Variants in NELL1 observed in about 807,000 individuals in gnomAD.
NELL1 encodes the protein protein kinase C-binding protein NELL1.
In NELL1, 76 loss-of-function variants were observed where a neutral mutation model predicts 107.4. The ratio of observed to expected loss-of-function variants is 0.71; its 90% CI spans 0.59 to 0.86. NELL1 has a LOEUF of 0.86. Among genes scored for constraint, NELL1 ranks in the 40% least tolerant of loss-of-function variants. NELL1 has a pLI of 0.00. For missense variants in NELL1, 1,024 were observed against 1,005.5 expected (o/e 1.02, Z -0.25); for synonymous variants, 353 against 341.2 (o/e 1.03, Z -0.38).
intron 15 of NELL1, among the ~76,000 whole-genome samples, chr11:21,438,034 T>C (rs1482666078): frequency 1.3e-5 from 2 of 152,206 alleles, no homozygotes; most frequent in Non-Finnish European, 2.9e-5. Context: ...AAAGTTCGAT[T>C]CCTTTCTCTT....
chr11:21,222,641 T>C (rs1430893822), intron 13 of NELL1, among the ~76,000 whole-genome samples: 2 of 152,176 alleles, frequency 1.3e-5, no homozygotes, highest in African/African-American at 4.8e-5. Flanking sequence ...TTGAAATCTT[T>C]CTATTATTTT....
chr11:20,788,729 T>A (rs1312872325), intron 3 of NELL1, among the ~76,000 whole-genome samples: 5 of 152,192 alleles, frequency 3.3e-5, no homozygotes, highest in African/African-American at 1.2e-4. Context: ...TTTTTGTGAT[T>A]CTGATGTCAT....
At chr11:21,295,247 C>T (rs1214720170) in intron 14 of NELL1, among the ~76,000 whole-genome samples, 2 of 151,988 alleles carry the variant, frequency 1.3e-5, no homozygotes, top group Non-Finnish European at 2.9e-5. Context: ...TAAAACCCAG[C>T]CCAGGGCACT....
At chr11:21,487,147 G>T (rs1347552558) in intron 15 of NELL1, among the ~76,000 whole-genome samples, 1 of 152,086 alleles carries the variant, frequency 6.6e-6, no homozygotes, top group Non-Finnish European at 1.5e-5. Context: ...CTCCATAAAG[G>T]TCTTCTCTGT....
intron 13 of NELL1, among the ~76,000 whole-genome samples, chr11:21,220,091 A>G (rs1857716223): frequency 6.6e-6 from 1 of 152,184 alleles, no homozygotes; most frequent in Non-Finnish European, 1.5e-5. Context: ...ACCTCCCACC[A>G]GGTTCTGCCT....
At chr11:20,697,760 G>A (rs187704588) in intron 2 of NELL1, among the ~76,000 whole-genome samples, 1 of 152,138 alleles carries the variant, frequency 6.6e-6, no homozygotes, top group African/African-American at 2.4e-5. Context: ...ATTTCTTACT[G>A]GATGACCTGG....
rs950677864 is a variant in NELL1 at position 21,521,147 on chromosome 11, T to C, written c.1646-13227T>C. 2.0e-5 allele frequency among the ~76,000 whole-genome samples: 3 copies of C among 152,380 alleles called. No homozygotes were observed. In the East Asian group the frequency reaches 5.8e-4, roughly 29 times the overall value. ...TGTAAGTATTACAGCTACACATTTGTTTCTAGGCACTGCTTTAACTGGTTC... is the reference window on the plus strand; with the variant it reads ...TGTAAGTATTACAGCTACACATTTGCTTCTAGGCACTGCTTTAACTGGTTC... On this transcript the variant is annotated intron_variant, in intron 15 of 19. Coordinates refer to ENST00000357134, the MANE Select transcript of NELL1 (RefSeq NM_006157.5).
chr11:20,885,917 A>G (rs1159200884), intron 5 of NELL1, among the ~76,000 whole-genome samples: 1 of 152,250 alleles, frequency 6.6e-6, no homozygotes, highest in African/African-American at 2.4e-5. Flanking sequence ...TTCTCAGATT[A>G]TATGTTAATT....
intron 16 of NELL1, among the ~76,000 whole-genome samples, chr11:21,550,678 C>G (rs1209796307): frequency 6.6e-6 from 1 of 152,054 alleles, no homozygotes; most frequent in African/African-American, 2.4e-5. Flanking sequence ...TCTGAGGGCT[C>G]TGTTCTGTTC....
chr11:21,000,939 C>A (rs1445018470), intron 12 of NELL1: 1 of 152,104 alleles, frequency 6.6e-6, no homozygotes, highest in Non-Finnish European at 1.5e-5. Flanking sequence ...CCAGGCCTGA[C>A]CCTGCTTAGC....
At chr11:21,026,614 A>C (rs550249847) in intron 12 of NELL1, among the ~76,000 whole-genome samples, 1 of 152,314 alleles carries the variant, frequency 6.6e-6, no homozygotes, top group African/African-American at 2.4e-5. Context: ...TGGTTGTCCC[A>C]GTCACTATAG....
chr11:21,304,671 C>G (rs970935343), intron 14 of NELL1, among the ~76,000 whole-genome samples: 3 of 151,616 alleles, frequency 2.0e-5, no homozygotes, highest in Admixed American at 6.6e-5. Flanking sequence ...CATTGTAAAT[C>G]TTCTGCACTC....
chr11:21,253,757 A>G (rs1224069187), intron 14 of NELL1, among the ~76,000 whole-genome samples: 1 of 152,146 alleles, frequency 6.6e-6, no homozygotes, highest in East Asian at 1.9e-4. Flanking sequence ...GATATATTAG[A>G]TGTCTAAAGG....
chr11:21,529,061 A>G (rs1302298505), intron 15 of NELL1, among the ~76,000 whole-genome samples: 2 of 152,174 alleles, frequency 1.3e-5, no homozygotes, highest in Non-Finnish European at 2.9e-5. Context: ...CCAAGCAGTA[A>G]TGGCTCAATA....
intron 15 of NELL1, among the ~76,000 whole-genome samples, chr11:21,449,839 C>T (rs2133856254): frequency 6.6e-6 from 1 of 152,174 alleles, no homozygotes; most frequent in East Asian, 1.9e-4. Context: ...TGCCTTTGCA[C>T]CCTTGTCAAA....
intron 14 of NELL1, among the ~76,000 whole-genome samples, chr11:21,326,863 G>C (rs1044195732): frequency 2.0e-5 from 3 of 151,396 alleles, no homozygotes; most frequent in South Asian, 2.1e-4. Flanking sequence ...TAATCTATTT[G>C]CATTTAATGT....
At chr11:21,194,592 T>G (rs144390494) in intron 13 of NELL1, among the ~76,000 whole-genome samples, 10 of 152,222 alleles carry the variant, frequency 6.6e-5, no homozygotes, top group African/African-American at 2.4e-4. Flanking sequence ...AAAGTGTGGC[T>G]CCTAGATCAG....
chr11:21,326,745 A>G (rs1335110792), intron 14 of NELL1, among the ~76,000 whole-genome samples: 1 of 152,058 alleles, frequency 6.6e-6, no homozygotes, highest in African/African-American at 2.4e-5. Context: ...CACTGATTAT[A>G]GAATTATAGA....
chr11:20,860,462 A>C (rs1420860778), intron 4 of NELL1, among the ~76,000 whole-genome samples: 4 of 152,164 alleles, frequency 2.6e-5, no homozygotes, highest in Admixed American at 6.5e-5. Flanking sequence ...CGATGGCTTC[A>C]TTAGTGAATT....
Sources: gnomAD v4.1 joint callset for allele counts (sites outside exome capture counted in the v4.1 genomes callset) on GRCh38, gnomAD v4.1.1 for gene constraint, MANE v1.5 for transcripts, NCBI Gene and HGNC (gene_info 2026-07-23, HGNC 2026-07-21) for gene names.